CDYL2: variants seen among roughly 807,000 people sequenced by gnomAD.
The protein encoded by CDYL2 is chromodomain Y like 2.
CDYL2 carries 23 observed loss-of-function variants against 49.4 expected under a neutral mutation model. That is an observed-to-expected ratio of 0.47 (90% CI 0.34 to 0.66). CDYL2 has a LOEUF of 0.66. Ranked by LOEUF, CDYL2 falls within the 30% of genes least tolerant of loss-of-function variation. The probability of loss-of-function intolerance (pLI) is 0.01; values close to 1 mark genes in which losing one functional copy is unlikely to be tolerated. For missense variants in CDYL2, 678 were observed against 656.4 expected (o/e 1.03, Z -0.36); for synonymous variants, 360 against 268.8 (o/e 1.34, Z -3.32).
chr16:80,622,122 T>C (rs1907109747), intron 3 of CDYL2, among the ~76,000 whole-genome samples: 1 of 152,202 alleles, frequency 6.6e-6, no homozygotes, highest in Admixed American at 6.5e-5. Context: ...CTATGCACTT[T>C]GACACTGCAA....
chr16:80,635,883 A>C (rs1160927534), intron 2 of CDYL2, among the ~76,000 whole-genome samples: 10 of 152,238 alleles, frequency 6.6e-5, no homozygotes, highest in Non-Finnish European at 2.9e-5. Context: ...CCAATGGAAC[A>C]GAACAGAGGC....
At position 80,770,190 on chromosome 16, in the gene CDYL2, A is replaced by G. The variant is rs534449147; in HGVS notation, c.24+33960T>C. On this transcript the variant is annotated intron_variant, in intron 1 of 6. Transcript: ENST00000570137. The stretch of plus-strand genomic sequence containing the variant: ...ACTAAAATATATTAAGCCATGCAAC[A>G]TGAGTTAATAAAGTAATAATCAATC... Among the ~76,000 whole-genome samples the G allele has an allele frequency of 1.2e-3, 184 of 152,354 alleles. 1 individual carries two copies. The highest frequency in any genetic ancestry group is 4.2e-3 in the African/African-American group (173 of 41,596).
At chr16:80,605,218 G>C (rs1906276597) in intron 6 of CDYL2, among the ~76,000 whole-genome samples, 1 of 151,160 alleles carries the variant, frequency 6.6e-6, no homozygotes, top group South Asian at 2.1e-4. Context: ...GATCATAAAT[G>C]ATCTATGATT....
At chr16:80,746,042 G>T (rs78241241) in intron 1 of CDYL2, among the ~76,000 whole-genome samples, 4,648 of 152,258 alleles carry the variant, frequency 0.031, 77 homozygotes, top group East Asian at 0.081. Context: ...TCCACACACA[G>T]GTCCTTGGAA....
At chr16:80,664,668 C>T (rs1909186429) in intron 2 of CDYL2, among the ~76,000 whole-genome samples, 1 of 152,154 alleles carries the variant, frequency 6.6e-6, no homozygotes, top group African/African-American at 2.4e-5. Flanking sequence ...TCTCTTCTGG[C>T]CTCCCAGATA....
At position 80,604,398 on chromosome 16, in the gene CDYL2, T is replaced by C; in HGVS notation, c.1511A>G (p.Tyr504Cys). 2.5e-6 allele frequency: 4 copies of C among 1,614,072 alleles called. No homozygotes were observed. The highest frequency in any genetic ancestry group is 3.4e-6 in the Non-Finnish European group (4 of 1,179,952). Reference protein sequence around the residue: ...SLFSYLQDKIYEV With the variant: ...SLFSYLQDKICEV ...GTGAGCTGGGGCCCCTCAGACTTCA[T>C]AAATTTTGTCCTGCAGGTAGCTGAA... Residue 504 changes from tyrosine to cysteine, a missense_variant, in exon 7 of 7, where the codon TAT (tyrosine) becomes TGT (cysteine). Tyr to Cys is a radical substitution (Grantham distance 194, BLOSUM62 -2). Around this residue, in one of 3 missense-constraint regions of CDYL2, gnomAD observed 153 missense variants for 150.6 expected, o/e 1.02. Coordinates refer to ENST00000570137, the MANE Select transcript of CDYL2 (RefSeq NM_152342.4).
chr16:80,667,064 C>T (rs375638828), intron 2 of CDYL2, among the ~76,000 whole-genome samples: 5 of 152,152 alleles, frequency 3.3e-5, no homozygotes, highest in Non-Finnish European at 7.3e-5. Flanking sequence ...CAAATAAAAA[C>T]GGAAACTGAG....
At chr16:80,786,934 G>C (rs946656712) in intron 1 of CDYL2, among the ~76,000 whole-genome samples, 2 of 152,194 alleles carry the variant, frequency 1.3e-5, no homozygotes, top group East Asian at 1.9e-4. Context: ...TGGGGGGCTA[G>C]GGGAGGGATA....
At chr16:80,761,372 G>C (rs992801690) in intron 1 of CDYL2, among the ~76,000 whole-genome samples, 3 of 152,214 alleles carry the variant, frequency 2.0e-5, no homozygotes, top group South Asian at 2.1e-4. Flanking sequence ...GTTCATCGAA[G>C]TATGCGTTTT....
chr16:80,797,984 G>C (rs1481146585), intron 1 of CDYL2, among the ~76,000 whole-genome samples: 1 of 152,150 alleles, frequency 6.6e-6, no homozygotes, highest in East Asian at 1.9e-4. Context: ...AAAAGAGTTT[G>C]AATTGTGCAG....
At chr16:80,665,573 G>C (rs1245120019) in intron 2 of CDYL2, among the ~76,000 whole-genome samples, 1 of 151,224 alleles carries the variant, frequency 6.6e-6, no homozygotes, top group Non-Finnish European at 1.5e-5. Context: ...AATATGAGGA[G>C]TTACTGGTGG....
At chr16:80,677,284 A>G (rs1376348947) in intron 2 of CDYL2, among the ~76,000 whole-genome samples, 2 of 151,938 alleles carry the variant, frequency 1.3e-5, no homozygotes, top group African/African-American at 4.8e-5. Context: ...TTTCTTTAAT[A>G]GTTATTTCTC....
rs943080560 is a variant in CDYL2 at position 80,620,547 on chromosome 16, G to C, written c.1007+216C>G. Among the ~76,000 whole-genome samples the C allele has an allele frequency of 9.2e-5, 14 of 152,228 alleles. No individual in the cohort carries two copies. In the East Asian group the frequency reaches 1.2e-3, roughly 13 times the overall value. ...CCTAATTTTGGCAGGACCATGGTTA[G>C]AGATGAAAATATAGGATGCCCAATT... On this transcript the variant is annotated intron_variant, in intron 4 of 6. Coordinates refer to ENST00000570137, the MANE Select transcript of CDYL2 (RefSeq NM_152342.4).
chr16:80,623,497 T>C (rs1317796761), intron 3 of CDYL2, among the ~76,000 whole-genome samples: 3 of 152,140 alleles, frequency 2.0e-5, no homozygotes, highest in Non-Finnish European at 4.4e-5. Flanking sequence ...CAAAGTATGG[T>C]CCTTAGACCA....
intron 1 of CDYL2, among the ~76,000 whole-genome samples, chr16:80,698,312 G>A (rs753135656): frequency 6.6e-6 from 1 of 152,112 alleles, no homozygotes; most frequent in Non-Finnish European, 1.5e-5. Flanking sequence ...TCAACAGAAT[G>A]AACAAATAAC....
intron 1 of CDYL2, among the ~76,000 whole-genome samples, chr16:80,686,929 A>C (rs1273612311): frequency 6.6e-6 from 1 of 152,260 alleles, no homozygotes; most frequent in East Asian, 1.9e-4. Context: ...GATAATTTTT[A>C]GATATAATAC....
intron 1 of CDYL2, among the ~76,000 whole-genome samples, chr16:80,778,500 C>A (rs1407903040): frequency 2.6e-5 from 4 of 151,868 alleles, no homozygotes; most frequent in Non-Finnish European, 4.4e-5. Flanking sequence ...TTCACAAAGG[C>A]AACAAAACTC....
intron 2 of CDYL2, among the ~76,000 whole-genome samples, chr16:80,642,792 T>A (rs1359375442): frequency 6.6e-6 from 1 of 152,114 alleles, no homozygotes; most frequent in African/African-American, 2.4e-5. Context: ...TAGGGAAAAT[T>A]GCCCCCATGA....
chr16:80,705,028 C>G (rs1172129934), intron 1 of CDYL2, among the ~76,000 whole-genome samples: 1 of 152,206 alleles, frequency 6.6e-6, no homozygotes, highest in East Asian at 1.9e-4. Context: ...TCCTCGTGGG[C>G]AGATGCTCTG....
Sources: allele counts gnomAD v4.1 joint callset (sites outside exome capture counted in the v4.1 genomes callset), GRCh38; gene constraint gnomAD v4.1.1; regional missense constraint gnomAD v4.1.1; transcripts MANE v1.5; gene names NCBI Gene and HGNC (gene_info 2026-07-23, HGNC 2026-07-21).